TJP1: variants seen among roughly 807,000 people sequenced by gnomAD.
TJP1 encodes tight junction protein 1, also known as tight junction protein ZO-1.
TJP1 carries 43 observed loss-of-function variants against 194.2 expected under a neutral mutation model. That is an observed-to-expected ratio of 0.22 (90% CI 0.17 to 0.29). The LOEUF (loss-of-function observed/expected upper bound fraction) is 0.29. Ranked by LOEUF, TJP1 falls within the 10% of genes least tolerant of loss-of-function variation. TJP1 has a pLI of 1.00. For synonymous variants in TJP1, 801 were observed against 779.0 expected, an observed-to-expected ratio of 1.03 and a Z score of -0.47; for missense variants, 1,971 against 2,185.7, an observed-to-expected ratio of 0.90 and a Z score of 1.96.
intron 27 of TJP1, among the ~76,000 whole-genome samples, chr15:29,703,200 C>T (rs2041664412): frequency 1.3e-5 from 2 of 152,156 alleles, no homozygotes; most frequent in African/African-American, 2.4e-5. Context: ...CCTGTAATCC[C>T]AGCACTCTGG....
chr15:29,723,302 T>G (rs1190571979), intron 18 of TJP1, among the ~76,000 whole-genome samples: 1 of 152,120 alleles, frequency 6.6e-6, no homozygotes, highest in African/African-American at 2.4e-5. Context: ...CGAGGGCGGT[T>G]TCTAATGGTT....
chr15:29,708,514 G>A, intron 25 of TJP1, 45 bp downstream of exon 25: 2 of 1,478,000 alleles, frequency 1.4e-6, no homozygotes, highest in South Asian at 1.2e-5. Context: ...ACTCACATGA[G>A]AAAAATCACA....
At chr15:29,824,575 AT>A (rs1485560833), upstream of TJP1, among the ~76,000 whole-genome samples, 2 of 152,066 alleles carry the variant, frequency 1.3e-5, no homozygotes, top group African/African-American at 4.8e-5. Flanking sequence ...AAAAAAAAAA[AT>A]TGTGATTAAA....
chr15:29,964,911 C>T (rs1483706371), intron 1 of TJP1, among the ~76,000 whole-genome samples: 1 of 152,192 alleles, frequency 6.6e-6, no homozygotes, highest in Non-Finnish European at 1.5e-5. Context: ...TGACTGTCTG[C>T]TTTAGTTTCC....
chr15:29,846,753 A>G (rs989613331), intron 2 of TJP1, among the ~76,000 whole-genome samples: 17 of 152,088 alleles, frequency 1.1e-4, no homozygotes, highest in South Asian at 6.2e-4. Flanking sequence ...GTGCAACCCC[A>G]TCTCTACTAA....
chr15:29,783,042 G>C (rs1214330824), intron 2 of TJP1, among the ~76,000 whole-genome samples: 1 of 152,108 alleles, frequency 6.6e-6, no homozygotes, highest in African/African-American at 2.4e-5. Context: ...GGGAGGCTGA[G>C]GCTGGTGGAT....
chr15:29,717,020 T>C (rs568217279), intron 22 of TJP1, among the ~76,000 whole-genome samples, 182 bp from the exon 23 acceptor site: 4 of 152,340 alleles, frequency 2.6e-5, no homozygotes, highest in East Asian at 1.9e-4. Flanking sequence ...TCACAGAGTA[T>C]ACTCAAAAGG....
chr15:29,701,776 T>A (rs1390275898), intron 27 of TJP1, 87 bp from the exon 28 acceptor site: 1 of 914,976 alleles, frequency 1.1e-6, no homozygotes, highest in Non-Finnish European at 1.7e-6. Flanking sequence ...ATACGTATAT[T>A]TAGACATAAT....
At chr15:29,895,734 C>T (rs2053455937) in intron 2 of TJP1, among the ~76,000 whole-genome samples, 1 of 152,184 alleles carries the variant, frequency 6.6e-6, no homozygotes, top group African/African-American at 2.4e-5. Context: ...GTTCCAAAGC[C>T]ACCTCCACAT....
chr15:29,875,076 A>AT (rs1822147160), intron 2 of TJP1, among the ~76,000 whole-genome samples: 1 of 152,136 alleles, frequency 6.6e-6, no homozygotes, highest in Non-Finnish European at 1.5e-5. Context: ...TTACATAAAG[A>AT]TTTTTTATTT....
At chr15:29,866,704 T>G (rs1469883524) in intron 2 of TJP1, among the ~76,000 whole-genome samples, 1 of 152,204 alleles carries the variant, frequency 6.6e-6, no homozygotes, top group Non-Finnish European at 1.5e-5. Context: ...TATTCTGGTG[T>G]TTTTGATCCA....
intron 6 of TJP1, among the ~76,000 whole-genome samples, chr15:29,761,994 T>TTTCTA (rs1241537281): frequency 2.6e-5 from 4 of 151,100 alleles, no homozygotes; most frequent in African/African-American, 9.7e-5. Flanking sequence ...TAACTCCTTC[T>TTTCTA]TTGAGGCTGT....
intron 5 of TJP1, among the ~76,000 whole-genome samples, chr15:29,765,010 T>C (rs1164905434): frequency 2.0e-5 from 3 of 152,066 alleles, no homozygotes; most frequent in Non-Finnish European, 4.4e-5. Context: ...CAGAACGTTA[T>C]AAAGGGCAGG....
intron 2 of TJP1, among the ~76,000 whole-genome samples, chr15:29,840,472 G>A (rs747592758): frequency 6.6e-6 from 1 of 152,280 alleles, no homozygotes; most frequent in East Asian, 1.9e-4. Flanking sequence ...ATAGACGAAG[G>A]GGCGATAAGA....
intron 2 of TJP1, among the ~76,000 whole-genome samples, chr15:29,921,948 G>A (rs1276538494): frequency 6.6e-6 from 1 of 151,550 alleles, no homozygotes; most frequent in Non-Finnish European, 1.5e-5. Flanking sequence ...GGGTTCAGGT[G>A]ATTCTCCTGC....
chr15:29,827,498 G>A (rs907845124), upstream of TJP1, among the ~76,000 whole-genome samples: 3 of 152,150 alleles, frequency 2.0e-5, no homozygotes, highest in African/African-American at 7.2e-5. Flanking sequence ...CAGCCTTCCC[G>A]AGTCTGGCTG....
chr15:29,901,060 G>A (rs1174011080), intron 2 of TJP1, among the ~76,000 whole-genome samples: 1 of 152,138 alleles, frequency 6.6e-6, no homozygotes, highest in East Asian at 1.9e-4. Context: ...TGGGAAAAAG[G>A]TGATAAAGAG....
rs539542511 is a variant in TJP1 at position 29,834,721 on chromosome 15, T to C, written c.307-34019A>G. ...GCTTCATTATTTGTGAAACTAAACT[T>C]GAAGGGGACAAATTAAAACTTGCAG... On this transcript the variant is annotated intron_variant, in intron 2 of 28. Coordinates refer to the TJP1 transcript ENST00000356107. 4.1e-4 allele frequency among the ~76,000 whole-genome samples: 62 copies of C among 152,296 alleles called. 1 individual carries two copies. The highest frequency in any genetic ancestry group is 3.4e-3 in the Middle Eastern group (1 of 294).
intron 2 of TJP1, among the ~76,000 whole-genome samples, chr15:29,948,346 C>G (rs1225449203): frequency 1.3e-5 from 2 of 151,762 alleles, no homozygotes. Context: ...CTGTCCTAAA[C>G]AGTCTTACCT....
Sources: allele counts gnomAD v4.1 joint callset (sites outside exome capture counted in the v4.1 genomes callset), GRCh38; gene constraint gnomAD v4.1.1; transcripts MANE v1.5; gene names NCBI Gene and HGNC (gene_info 2026-07-23, HGNC 2026-07-21).